CFAP210: variants seen among roughly 807,000 people sequenced by gnomAD.
The protein encoded by CFAP210 is cilia and flagella associated protein 210.
chr2:169,666,148 T>C, the CFAP210 span, among the ~76,000 whole-genome samples: 1 of 152,116 alleles, frequency 6.6e-6, no homozygotes, highest in African/African-American at 2.4e-5. Context: ...ACTGATCCTT[T>C]TGGTCTCTTT....
chr2:169,646,008 G>T, the CFAP210 span: 1 of 1,613,906 alleles, frequency 6.2e-7, no homozygotes, highest in Non-Finnish European at 8.5e-7. Context: ...GGTCCTTCCT[G>T]TACAGCTTTT....
the CFAP210 span, chr2:169,658,691 C>G: frequency 4.3e-5 from 12 of 279,898 alleles, no homozygotes; most frequent in African/African-American, 2.7e-4. Flanking sequence ...TGTCTTCTGT[C>G]TACAACAGGT....
the CFAP210 span, among the ~76,000 whole-genome samples, chr2:169,690,305 C>T: frequency 6.6e-6 from 1 of 152,128 alleles, no homozygotes; most frequent in African/African-American, 2.4e-5. Flanking sequence ...AGTGCTCCTT[C>T]CTCTTATTTT....
chr2:169,679,941 T>C, the CFAP210 span, among the ~76,000 whole-genome samples: 368 of 152,260 alleles, frequency 2.4e-3, no homozygotes, highest in African/African-American at 8.5e-3. Flanking sequence ...GTAAAAACTT[T>C]TGCTTTTCAA....
chr2:169,648,545 A>G, the CFAP210 span, among the ~76,000 whole-genome samples: 3 of 152,344 alleles, frequency 2.0e-5, no homozygotes, highest in Admixed American at 6.5e-5. Context: ...TTAAATAGAC[A>G]CTTCACAAAA....
At chr2:169,683,450 G>C in the CFAP210 span, among the ~76,000 whole-genome samples, 1 of 152,152 alleles carries the variant, frequency 6.6e-6, no homozygotes, top group Admixed American at 6.5e-5. Context: ...AGCTCAGCTT[G>C]GCTTTTGTTA....
At chr2:169,645,727 A>G in the CFAP210 span, 30 of 702,352 alleles carry the variant, frequency 4.3e-5, 1 homozygote, top group Middle Eastern at 7.8e-4. Flanking sequence ...CAATCAATTA[A>G]ATCAGACATA....
chr2:169,674,521 ACATCC>A, the CFAP210 span: 1 of 1,370,064 alleles, frequency 7.3e-7, no homozygotes, highest in Non-Finnish European at 9.8e-7. Context: ...GAAAAAAGCT[ACATCC>A]ATTATGAGAA....
chr2:169,687,921 A>G, the CFAP210 span, among the ~76,000 whole-genome samples: 6 of 152,204 alleles, frequency 3.9e-5, no homozygotes, highest in Non-Finnish European at 5.9e-5. Flanking sequence ...TCTGAAATCT[A>G]GGTGGAGGTT....
the CFAP210 span, among the ~76,000 whole-genome samples, chr2:169,667,728 T>C: frequency 6.6e-6 from 1 of 152,076 alleles, no homozygotes; most frequent in Non-Finnish European, 1.5e-5. Context: ...AGTAATATTT[T>C]GAAAGGAATA....
chr2:169,668,800 G>T, the CFAP210 span, among the ~76,000 whole-genome samples: 12 of 152,216 alleles, frequency 7.9e-5, no homozygotes, highest in East Asian at 1.7e-3. Flanking sequence ...TAACATCAAA[G>T]ATCACTGATC....
the CFAP210 span, chr2:169,694,390 T>G: frequency 6.6e-7 from 1 of 1,514,030 alleles, no homozygotes; most frequent in Non-Finnish European, 9.1e-7. Context: ...GCCGGTGGAG[T>G]TGTTACTCGT....
At chr2:169,693,619 G>A in the CFAP210 span, among the ~76,000 whole-genome samples, 1 of 152,214 alleles carries the variant, frequency 6.6e-6, no homozygotes, top group South Asian at 2.1e-4. Flanking sequence ...AACTGTTGTA[G>A]CTAGAATTGA....
the CFAP210 span, among the ~76,000 whole-genome samples, chr2:169,660,602 A>AT: frequency 2.2e-3 from 251 of 114,084 alleles, 1 homozygote; most frequent in African/African-American, 8.2e-3. Flanking sequence ...ATATATATAT[A>AT]TATTTTTTTT....
chr2:169,688,705 T>G, the CFAP210 span, among the ~76,000 whole-genome samples: 1 of 152,212 alleles, frequency 6.6e-6, no homozygotes, highest in East Asian at 1.9e-4. Context: ...AGCCTGCATT[T>G]TATTGTCCAT....
At chr2:169,646,288 ATACTT>A in the CFAP210 span, 2 of 792,396 alleles carry the variant, frequency 2.5e-6, no homozygotes, top group South Asian at 1.8e-5. Context: ...AAACTCATTG[ATACTT>A]TACAAGTTCT....
At chr2:169,650,396 CTTTTTTCCCA>C in the CFAP210 span, 1 of 1,602,568 alleles carries the variant, frequency 6.2e-7, no homozygotes, top group East Asian at 2.2e-5. Context: ...TTCTCTTTCT[CTTTTTTCCCA>C]TTCAGCCTCA....
the CFAP210 span, among the ~76,000 whole-genome samples, chr2:169,681,709 G>A: frequency 6.6e-6 from 1 of 152,190 alleles, no homozygotes; most frequent in African/African-American, 2.4e-5. Context: ...TATAGTCCCA[G>A]GGTGGGCCTA....
At chr2:169,661,298 C>T in the CFAP210 span, 2 of 517,442 alleles carry the variant, frequency 3.9e-6, no homozygotes, top group Admixed American at 4.3e-5. Flanking sequence ...TCTTTTAATA[C>T]TACATTCACC....
Sources: allele counts gnomAD v4.1 joint callset (sites outside exome capture counted in the v4.1 genomes callset), GRCh38; gene constraint gnomAD v4.1.1; transcripts MANE v1.5; gene names NCBI Gene and HGNC (gene_info 2026-07-23, HGNC 2026-07-21).